ITIH5: variants seen among roughly 807,000 people sequenced by gnomAD.
ITIH5 encodes the protein inter-alpha-trypsin inhibitor heavy chain H5.
ITIH5 carries 65 observed loss-of-function variants against 77.5 expected under a neutral mutation model. That is an observed-to-expected ratio of 0.84 (90% CI 0.69 to 1.03). ITIH5 has a LOEUF of 1.03. Ranked by LOEUF, ITIH5 falls within the 50% of genes least tolerant of loss-of-function variation. ITIH5 has a pLI of 0.00. For missense variants in ITIH5, 1,208 were observed against 1,213.1 expected (o/e 1.00, Z 0.06); for synonymous variants, 525 against 494.3 (o/e 1.06, Z -0.82).
intron 2 of ITIH5, among the ~76,000 whole-genome samples, chr10:7,652,060 G>A (rs1021216350): frequency 9.9e-5 from 15 of 152,126 alleles, no homozygotes; most frequent in Non-Finnish European, 1.8e-4. Flanking sequence ...TGATGGCAGC[G>A]AATCCTCTTG....
chr10:7,661,555 C>T (rs1053022721), intron 1 of ITIH5, among the ~76,000 whole-genome samples: 1 of 152,192 alleles, frequency 6.6e-6, no homozygotes, highest in African/African-American at 2.4e-5. Flanking sequence ...ATATCACTCA[C>T]CCCAAATTTT....
chr10:7,594,364 G>A (rs1394504729), intron 7 of ITIH5, among the ~76,000 whole-genome samples: 1 of 152,098 alleles, frequency 6.6e-6, no homozygotes. Flanking sequence ...GGCACCCCAG[G>A]AAGCCACGCT....
Position 7,666,896 on chromosome 10 carries a change from G to C in ITIH5, c.-4C>G, listed in dbSNP as rs752765838. On this transcript the variant is annotated 5_prime_UTR_variant, in exon 1 of 14. Coordinates refer to ENST00000397146, the MANE Select transcript of ITIH5 (RefSeq NM_030569.7). ...ACAGCCCCAGCAGCAGGAGCATGGCGGGGCGAGGGCGCGGGACGCTCGGGG... is the reference window on the plus strand; with the variant it reads ...ACAGCCCCAGCAGCAGGAGCATGGCCGGGCGAGGGCGCGGGACGCTCGGGG... 10 of 1,587,606 alleles carry C rather than the reference G, an allele frequency of 6.3e-6. No individual in the cohort carries two copies. The highest frequency in any genetic ancestry group is 7.7e-6 in the Non-Finnish European group (9 of 1,169,698).
At chr10:7,612,260 C>A (rs1257659122) in intron 7 of ITIH5, among the ~76,000 whole-genome samples, 1 of 152,152 alleles carries the variant, frequency 6.6e-6, no homozygotes, top group Admixed American at 6.5e-5. Context: ...GCTACACGCT[C>A]CCATATGGTT....
At chr10:7,571,536 C>G (rs1433587143) in intron 11 of ITIH5, 1 of 152,228 alleles carries the variant, frequency 6.6e-6, no homozygotes, top group Non-Finnish European at 1.5e-5. Flanking sequence ...CCTGCCTCAG[C>G]CTCCCGAATA....
chr10:7,658,226 C>T (rs147633677), intron 1 of ITIH5, among the ~76,000 whole-genome samples: 2 of 152,260 alleles, frequency 1.3e-5, no homozygotes, highest in African/African-American at 4.8e-5. Flanking sequence ...CAAGTCTTAA[C>T]AAAATGCAGA....
rs185410360 is a variant in ITIH5 at position 7,586,021 on chromosome 10, G to A, written c.988C>T (p.Arg330Cys). 1.5e-5 allele frequency: 25 copies of A among 1,613,936 alleles called. No individual in the cohort carries two copies. The East Asian group carries it at 3.1e-4, about 20-fold the overall frequency. ...TTGGAAAATCCAATGATACTGAAAC[G>A]GTCCTGGGGTCGGAGGTCATGGAGA... ...TILHDLRPQD[R>C]FSIIGFSNRI... The change falls in exon 8 of 14, where the codon CGT becomes TGT. Residue 330 changes from arginine (R) to cysteine (C), a missense_variant. By Grantham distance (180) the Arg-to-Cys change is radical. Transcript: ENST00000397146.
intron 5 of ITIH5, chr10:7,621,568 C>A (rs1588406360): frequency 6.6e-6 from 1 of 152,298 alleles, no homozygotes; most frequent in South Asian, 2.1e-4. Context: ...CTGAGGCCAA[C>A]CACCACCCAG....
chr10:7,578,234 T>C (rs1460078429), intron 9 of ITIH5: 1 of 166,648 alleles, frequency 6.0e-6, no homozygotes, highest in East Asian at 1.9e-4. Context: ...GGCTATCTTA[T>C]TTCAGCCTTT....
At chr10:7,575,525 G>A (rs552560131) in intron 10 of ITIH5, among the ~76,000 whole-genome samples, 4 of 152,112 alleles carry the variant, frequency 2.6e-5, no homozygotes, top group Admixed American at 6.6e-5. Flanking sequence ...TTTTCCACAC[G>A]CAGATCTGCC....
chr10:7,639,503 A>C (rs536830022), intron 4 of ITIH5, among the ~76,000 whole-genome samples: 1 of 152,372 alleles, frequency 6.6e-6, no homozygotes, highest in African/African-American at 2.4e-5. Flanking sequence ...CCTTGTCACT[A>C]ATAAAATTTC....
rs1231319545 is a variant in ITIH5 at position 7,585,827 on chromosome 10, AAAAAAAAAAAAAACC to A, written c.1108+59_1108+73del. ...GCTTTCAAATCCTTATCTCTTGGCA[AAAAAAAAAAAAAACC>A]AAAAAAAAAAACATTATTTCAAAGC... On this transcript the variant is annotated intron_variant, in intron 8 of 13. Coordinates refer to ENST00000397146, the MANE Select transcript of ITIH5 (RefSeq NM_030569.7). The A allele has an allele frequency of 5.9e-6, 6 of 1,016,576 alleles. No homozygotes were observed. In the African/African-American group the frequency reaches 9.0e-5, roughly 15 times the overall value. 63.0% of individuals were successfully genotyped at this position (1,016,576 alleles called of 1,614,324 possible). A position where few individuals can be genotyped will look rare whatever the true frequency, so the allele number is the denominator to read the frequency against.
intron 12 of ITIH5, among the ~76,000 whole-genome samples, chr10:7,567,994 T>C (rs776964457): frequency 1.7e-4 from 26 of 152,344 alleles, no homozygotes; most frequent in Non-Finnish European, 3.1e-4. Context: ...TAAACTGCTA[T>C]GAAATAGAAC....
intron 2 of ITIH5, among the ~76,000 whole-genome samples, chr10:7,644,227 G>A (rs1321550149): frequency 2.0e-5 from 3 of 147,526 alleles, no homozygotes; most frequent in Non-Finnish European, 4.5e-5. Context: ...GACAGAGCAA[G>A]ACCCTGTCAC....
intron 11 of ITIH5, among the ~76,000 whole-genome samples, chr10:7,570,726 G>A (rs1301009587): frequency 6.6e-6 from 1 of 151,962 alleles, no homozygotes; most frequent in Non-Finnish European, 1.5e-5. Context: ...GGGCTCAAAC[G>A]GTCCTCCCAC....
At chr10:7,616,484 G>C (rs891071743) in intron 6 of ITIH5, among the ~76,000 whole-genome samples, 1 of 152,036 alleles carries the variant, frequency 6.6e-6, no homozygotes, top group Non-Finnish European at 1.5e-5. Flanking sequence ...TCCCCACCCT[G>C]TCTCTGGAAC....
intron 8 of ITIH5, among the ~76,000 whole-genome samples, chr10:7,584,475 T>G (rs910653235): frequency 6.6e-6 from 1 of 152,162 alleles, no homozygotes; most frequent in Admixed American, 6.5e-5. Context: ...GGCTAACTTT[T>G]TGTATTTTTA....
chr10:7,566,127 G>A lies in ITIH5; in HGVS notation c.2430C>T (p.Ile810=). The A allele has an allele frequency of 1.2e-6, 2 of 1,614,092 alleles. No homozygotes were observed. The highest frequency in any genetic ancestry group is 1.7e-6 in the Non-Finnish European group (2 of 1,180,026). The stretch of plus-strand genomic sequence containing the variant: ...AGGGCGCCGGCTTTTTGTAGAGGTG[G>A]ATGAGGATGACAAAGGCTATGGAGC... ...IQGSIAFVIL[I]HLYKKPAPFQ... Residue 810 remains isoleucine, a synonymous_variant, in exon 13 of 14, where the codon ATC becomes ATT. Transcript: ENST00000397146.
At chr10:7,603,749 A>C (rs758822755) in intron 7 of ITIH5, among the ~76,000 whole-genome samples, 10 of 151,882 alleles carry the variant, frequency 6.6e-5, no homozygotes, top group African/African-American at 1.2e-4. Flanking sequence ...CGCCCAGCTA[A>C]TTTTTTTGTA....
Sources: allele counts gnomAD v4.1 joint callset (sites outside exome capture counted in the v4.1 genomes callset), GRCh38; gene constraint gnomAD v4.1.1; transcripts MANE v1.5; gene names NCBI Gene and HGNC (gene_info 2026-07-23, HGNC 2026-07-21).